Variants in NAV2 observed in about 807,000 individuals in gnomAD.
NAV2 encodes the protein helicase, APC down-regulated 1.
A neutral mutation model predicts 223.2 loss-of-function variants in NAV2; 54 were observed. The observed-to-expected ratio is 0.24, with a 90% CI of 0.19 to 0.30. NAV2 has a LOEUF of 0.30. Ranked by LOEUF, NAV2 falls within the 10% of genes least tolerant of loss-of-function variation. NAV2 has a pLI of 1.00. For synonymous variants in NAV2, 1,279 were observed against 1,239.3 expected, an observed-to-expected ratio of 1.03 and a Z score of -0.67; for missense variants, 2,806 against 3,147.5, an observed-to-expected ratio of 0.89 and a Z score of 2.60.
At chr11:19,830,624 G>A (rs1386114100) in intron 1 of NAV2, among the ~76,000 whole-genome samples, 1 of 152,134 alleles carries the variant, frequency 6.6e-6, no homozygotes, top group African/African-American at 2.4e-5. Flanking sequence ...TCTGCATAAG[G>A]CACTCTTTCA....
At chr11:19,960,772 C>A (rs1246331044) in intron 10 of NAV2, among the ~76,000 whole-genome samples, 1 of 152,096 alleles carries the variant, frequency 6.6e-6, no homozygotes, top group Non-Finnish European at 1.5e-5. Context: ...TGCCACCATG[C>A]CCAGTTAATT....
chr11:19,603,631 C>CAAAAAAAAAAAAAAA (rs1222524445), intron 1 of NAV2, among the ~76,000 whole-genome samples: 3 of 57,720 alleles, frequency 5.2e-5, no homozygotes, highest in African/African-American at 1.4e-4. Context: ...GACTCCATCT[C>CAAAAAAAAAAAAAAA]AAAAAAAAAA....
chr11:20,070,208 T>C (rs2059313683), intron 22 of NAV2, among the ~76,000 whole-genome samples: 1 of 152,144 alleles, frequency 6.6e-6, no homozygotes, highest in Non-Finnish European at 1.5e-5. Flanking sequence ...TCTGGATAAC[T>C]AGATGTGTAG....
intron 7 of NAV2, among the ~76,000 whole-genome samples, chr11:19,935,864 T>TTTTTTTTG (rs2045835074): frequency 2.0e-5 from 2 of 101,154 alleles, no homozygotes; most frequent in Non-Finnish European, 4.1e-5. Context: ...TTTTTTTTTT[T>TTTTTTTTG]TTTTTTTTTT....
At chr11:19,576,191 C>A (rs1386452) in intron 1 of NAV2, among the ~76,000 whole-genome samples, 142,146 of 152,234 alleles carry the variant, frequency 0.93, 66,696 homozygotes, top group Non-Finnish European at 0.99. Flanking sequence ...TGATCCTCAG[C>A]CACAAAATAA....
intron 1 of NAV2, among the ~76,000 whole-genome samples, chr11:19,756,535 T>C (rs532722613): frequency 3.9e-5 from 6 of 152,356 alleles, no homozygotes; most frequent in Non-Finnish European, 5.9e-5. Flanking sequence ...AGGAATCTGA[T>C]TGGCTCCGTG....
chr11:19,768,030 G>T (rs978250871), intron 1 of NAV2, among the ~76,000 whole-genome samples: 6 of 152,236 alleles, frequency 3.9e-5, no homozygotes, highest in African/African-American at 1.4e-4. Flanking sequence ...TTCCAGCTGG[G>T]ACAGCAAATC....
intron 1 of NAV2, among the ~76,000 whole-genome samples, chr11:19,526,142 T>G (rs1299205914): frequency 6.6e-6 from 1 of 152,172 alleles, no homozygotes; most frequent in Non-Finnish European, 1.5e-5. Context: ...CCTTGTCTTT[T>G]TAAAAAAATC....
chr11:19,431,205 T>G (rs1851024344), intron 1 of NAV2, among the ~76,000 whole-genome samples: 1 of 152,228 alleles, frequency 6.6e-6, no homozygotes, highest in Admixed American at 6.5e-5. Flanking sequence ...TGTGCTGAGT[T>G]GCTGCTGGTT....
intron 5 of NAV2, among the ~76,000 whole-genome samples, chr11:19,880,729 CA>C (rs748212489): frequency 6.6e-6 from 1 of 152,064 alleles, no homozygotes; most frequent in African/African-American, 2.4e-5. Flanking sequence ...ATTTTGTTCC[CA>C]GGGGGACTGA....
rs11025352 is a variant in NAV2, at chr11:19,998,705, C to A, written c.2768+14458C>A. On this transcript the variant is annotated intron_variant, in intron 11 of 37. Coordinates refer to ENST00000349880, the MANE Select transcript of NAV2 (RefSeq NM_145117.5). This position sits in a 1 kb window ranked among gnomAD's most constrained non-coding sequence, Gnocchi z 5.0. ...TGTCCCCTCTGCATAGACTGTGCTTCCCCCCCTCTCTCCTTTTCTCCTTAT... is the reference window on the plus strand; with the variant it reads ...TGTCCCCTCTGCATAGACTGTGCTTACCCCCCTCTCTCCTTTTCTCCTTAT... Among the ~76,000 whole-genome samples, 10 of 95,002 alleles carry A rather than the reference C, an allele frequency of 1.1e-4. No homozygotes were observed. Among genetic ancestry groups the A allele is most frequent in the African/African-American group, 2.8e-4 (9 of 31,984 alleles). 62.3% of individuals were successfully genotyped at this position (95,002 alleles called of 152,430 possible). A position where few individuals can be genotyped will look rare whatever the true frequency, so the allele number is the denominator to read the frequency against.
chr11:19,580,531 C>G (rs1414743352), intron 1 of NAV2, among the ~76,000 whole-genome samples: 9 of 152,094 alleles, frequency 5.9e-5, no homozygotes, highest in African/African-American at 2.2e-4. Flanking sequence ...CCCATGATAA[C>G]CCATTAATCC....
chr11:19,999,982 C>T (rs1295554078), intron 11 of NAV2, among the ~76,000 whole-genome samples: 1 of 152,250 alleles, frequency 6.6e-6, no homozygotes, highest in Admixed American at 6.5e-5. Flanking sequence ...CCAGGTCCAG[C>T]ACCGTGGCCA....
intron 1 of NAV2, among the ~76,000 whole-genome samples, chr11:19,770,799 A>C (rs1370320346): frequency 6.6e-6 from 1 of 152,050 alleles, no homozygotes; most frequent in East Asian, 1.9e-4. Context: ...CGTAATCTTC[A>C]CTCTCCAAAA....
chr11:19,861,369 T>G (rs1403883439), intron 3 of NAV2, among the ~76,000 whole-genome samples: 3 of 150,312 alleles, frequency 2.0e-5, no homozygotes, highest in African/African-American at 7.3e-5. Flanking sequence ...GCCTGTTCGA[T>G]TCTCTGTTTC....
chr11:20,082,702 T>A, intron 25 of NAV2: 1 of 1,227,474 alleles, frequency 8.1e-7, no homozygotes, highest in Non-Finnish European at 1.2e-6. Flanking sequence ...CCTGCTTTGT[T>A]GCTGTGTAAC....
intron 1 of NAV2, among the ~76,000 whole-genome samples, chr11:19,546,378 C>CTGTGA (rs1204180780): frequency 1.3e-5 from 2 of 152,148 alleles, no homozygotes; most frequent in African/African-American, 2.4e-5. Flanking sequence ...CAATGGAGGC[C>CTGTGA]CCATGCTGGG....
chr11:20,074,594 T>C (rs533583041), intron 22 of NAV2, among the ~76,000 whole-genome samples: 12 of 152,256 alleles, frequency 7.9e-5, no homozygotes, highest in Admixed American at 7.8e-4. Flanking sequence ...CTCTAAGGAC[T>C]TGCTTTATGA....
At chr11:19,621,254 A>G (rs4589275) in intron 1 of NAV2, among the ~76,000 whole-genome samples, 110,892 of 152,134 alleles carry the variant, frequency 0.73, 48,325 homozygotes, top group Non-Finnish European at 0.96. Context: ...AGGCTTTGGT[A>G]TCAGGATGAC....
Sources: allele counts gnomAD v4.1 joint callset (sites outside exome capture counted in the v4.1 genomes callset), GRCh38; gene constraint gnomAD v4.1.1; non-coding constraint Gnocchi (gnomAD v3.1); transcripts MANE v1.5; gene names NCBI Gene and HGNC (gene_info 2026-07-23, HGNC 2026-07-21).